Variants in RNF213 observed in about 807,000 individuals in gnomAD.
RNF213 encodes the protein E3 ubiquitin-protein ligase RNF213.
RNF213 carries 341 observed loss-of-function variants against 514.4 expected under a neutral mutation model. The observed-to-expected ratio is 0.66, with a 90% CI of 0.61 to 0.73. RNF213 has a LOEUF of 0.73. Among genes scored for constraint, RNF213 ranks in the 30% least tolerant of loss-of-function variants. RNF213 has a pLI of 0.00. For synonymous variants in RNF213, 2,655 were observed against 2,658.2 expected (o/e 1.00, Z 0.04); for missense variants, 5,767 against 6,615.6 (o/e 0.87, Z 4.45).
Position 80,325,046 on chromosome 17 carries a change from T to C in RNF213, c.3041T>C (p.Leu1014Pro), listed in dbSNP as rs1485741901. 1 of 1,537,138 alleles carries C rather than the reference T, an allele frequency of 6.5e-7. No individual in the cohort carries two copies. The highest frequency in any genetic ancestry group is 1.4e-5 in the African/African-American group (1 of 73,052). ...TTCTTGTAGTCTCAGACCAGTATCC[T>C]TCAGGGGTTCTCTTACTCTGATTTG... ...SSACQSQTSI[L>P]QGFSYSDLRK... Residue 1014 changes from leucine to proline, a missense_variant, in exon 18 of 68, where the codon CTT (leucine) becomes CCT (proline). This residue lies in a region of RNF213 where 516 missense variants were observed against 566.5 expected (regional missense o/e 0.91). Coordinates refer to ENST00000582970, the MANE Select transcript of RNF213 (RefSeq NM_001256071.3).
At chr17:80,352,461 G>A (rs961146147) in intron 32 of RNF213, 9 of 432,136 alleles carry the variant, frequency 2.1e-5, no homozygotes, top group South Asian at 3.5e-5. Context: ...GGAGAGTGGC[G>A]GGGGTCGGAC....
At position 80,337,655 on chromosome 17, in the gene RNF213, T is replaced by C; in HGVS notation, c.4597T>C (p.Ser1533Pro). The change falls in exon 24 of 68, where the codon TCC becomes CCC. Residue 1533 changes from serine (S) to proline (P), a missense_variant. Ser to Pro is a moderately conservative substitution (Grantham distance 74). Transcript: ENST00000582970. Reference protein sequence around the residue: ...NESHGSVERSSLTLATAINQR... With the variant: ...NESHGSVERSPLTLATAINQR... ...GAGTCATGGGTCTGTGGAACGCTCA[T>C]CCCTGACCCTGGCCACGGCCATCAA... The C allele has an allele frequency of 6.5e-6, 10 of 1,537,278 alleles. No homozygotes were observed. The highest frequency in any genetic ancestry group is 8.7e-6 in the Non-Finnish European group (10 of 1,146,912).
Position 80,313,118 on chromosome 17 carries a change from A to G in RNF213, c.2762A>G (p.Asn921Ser). ...TGGCTCCGAGAAGTTTTTACAAAGA[A>G]CATGCTCACATCTTCAGGTGCCTCA... ...KRWLREVFTK[N>S]MLTSSGASFT... The change falls in exon 15 of 68, where the codon AAC becomes AGC. Residue 921 changes from asparagine to serine, a missense_variant. Physicochemically the swap from Asn to Ser is conservative, Grantham distance 46. Coordinates refer to ENST00000582970, the MANE Select transcript of RNF213 (RefSeq NM_001256071.3). 1 of 1,614,144 alleles carries G rather than the reference A, an allele frequency of 6.2e-7. No individual in the cohort carries two copies. Among genetic ancestry groups the G allele is most frequent in the Non-Finnish European group, 8.5e-7 (1 of 1,180,028 alleles).
rs565310188 is a variant in RNF213, at chr17:80,374,763, G to A, written c.13074+174G>A. ...TCCAGGGCGCACCTGGCTAGTGTGC[G>A]TGAACCAGTGGCTGGAACAGGACAG... is the stretch of plus-strand genomic sequence containing the variant. On this transcript the variant is annotated intron_variant, in intron 50 of 67. Coordinates refer to ENST00000582970, the MANE Select transcript of RNF213 (RefSeq NM_001256071.3). 3.1e-4 allele frequency: 213 copies of A among 696,272 alleles called. 4 individuals carry two copies. The highest frequency in any genetic ancestry group is 2.6e-3 in the South Asian group (157 of 60,432). The allele number at this position is 696,272 out of a possible 1,614,324, so 43.1% of individuals were successfully genotyped here. A position where few individuals can be genotyped will look rare whatever the true frequency, so the allele number is the denominator to read the frequency against.
rs1358559960 is a variant in RNF213, at chr17:80,343,849, G to T, written c.6184-8G>T. On this transcript the variant is annotated splice_polypyrimidine_tract_variant and splice_region_variant and intron_variant, in intron 27 of 67. Transcript: ENST00000582970. This position sits in a 1 kb window ranked among gnomAD's most constrained non-coding sequence, Gnocchi z 4.3. ...GTGTGTTTACACCTCGTGCGATTCT[G>T]TTCTTAGGTGCAGACTGGAATTTGG... 3 of 1,614,120 alleles carry T rather than the reference G, an allele frequency of 1.9e-6. No homozygotes were observed. The highest frequency in any genetic ancestry group is 1.7e-5 in the Admixed American group (1 of 60,022).
chr17:80,290,416 TGTGTGCGAGTGTGCGC>T (rs1215012493), intron 6 of RNF213, among the ~76,000 whole-genome samples, 138 bp from the exon 7 acceptor site: 10 of 149,008 alleles, frequency 6.7e-5, no homozygotes, highest in African/African-American at 2.5e-4. Flanking sequence ...TGTGTGTGCG[TGTGTGCGAGTGTGCGC>T]GTGTGTGCAT....
At chr17:80,297,656 G>A (rs1050452561) in intron 10 of RNF213, among the ~76,000 whole-genome samples, 3 of 150,938 alleles carry the variant, frequency 2.0e-5, no homozygotes, top group East Asian at 2.0e-4. Flanking sequence ...GCATGGTGGC[G>A]GGCACCTGTA....
Position 80,347,259 on chromosome 17 carries a change from C to G in RNF213, c.8924C>G (p.Ser2975Cys), listed in dbSNP as rs750410756. Reference sequence around the variant, plus strand: ...GCAAAGGCTTCAAATAGAAAGCCTTCCCCGCAAGACATTGCACAGGCTGTC... The same window carrying G: ...GCAAAGGCTTCAAATAGAAAGCCTTGCCCGCAAGACATTGCACAGGCTGTC... ...AAAKASNRKP[S>C]PQDIAQAVLR... Residue 2975 changes from serine to cysteine, a missense_variant, in exon 29 of 68, where the codon TCC becomes TGC. Around this residue, in one of 13 missense-constraint regions of RNF213, gnomAD observed 919 missense variants for 1,121.0 expected, o/e 0.82. Coordinates refer to ENST00000582970, the MANE Select transcript of RNF213 (RefSeq NM_001256071.3). This position sits in a 1 kb window ranked among gnomAD's most constrained non-coding sequence, Gnocchi z 7.2. 14 of 1,613,398 alleles carry G rather than the reference C, an allele frequency of 8.7e-6. No individual in the cohort carries two copies. Among genetic ancestry groups the G allele is most frequent in the Non-Finnish European group, 8.5e-6 (10 of 1,179,794 alleles).
chr17:80,364,387 T>C (rs2079174672), intron 41 of RNF213, 46 bp from the exon 42 acceptor site: 1 of 1,613,310 alleles, frequency 6.2e-7, no homozygotes, highest in Non-Finnish European at 8.5e-7. Context: ...CTTGGGTTCC[T>C]TGGTGGGAGC....
chr17:80,280,226 A>T (rs972504057), intron 3 of RNF213, among the ~76,000 whole-genome samples: 2 of 152,176 alleles, frequency 1.3e-5, no homozygotes, highest in African/African-American at 4.8e-5. Context: ...TAGCAACAAA[A>T]ATGTGAGAAG....
intron 36 of RNF213, among the ~76,000 whole-genome samples, chr17:80,355,977 C>G (rs1428443993): frequency 6.6e-6 from 1 of 150,838 alleles, no homozygotes; most frequent in African/African-American, 2.4e-5. Flanking sequence ...TTTCATTTCC[C>G]TCCGTTCCTC....
rs994267098 is a variant in RNF213 at position 80,393,852 on chromosome 17, T to C, written c.*354T>C. On this transcript the variant is annotated 3_prime_UTR_variant, in exon 68 of 68. Transcript: ENST00000582970. ...GTAATGACCTGTGCCCGTTCGCCTCTGGCACTGCCCACCCCTCTTTTTTTT... is the reference window on the plus strand; with the variant it reads ...GTAATGACCTGTGCCCGTTCGCCTCCGGCACTGCCCACCCCTCTTTTTTTT... The C allele has an allele frequency of 1.1e-5, 3 of 267,224 alleles. No individual in the cohort carries two copies. The highest frequency in any genetic ancestry group is 6.7e-5 in the African/African-American group (3 of 44,782). 16.6% of individuals were successfully genotyped at this position (267,224 alleles called of 1,614,324 possible). A position where few individuals can be genotyped will look rare whatever the true frequency, so the allele number is the denominator to read the frequency against.
chr17:80,372,962 G>T lies in RNF213; in HGVS notation c.12752-13G>T. On this transcript the variant is annotated splice_polypyrimidine_tract_variant and intron_variant, in intron 48 of 67. Coordinates refer to ENST00000582970, the MANE Select transcript of RNF213 (RefSeq NM_001256071.3). ...TCACCAGCCACTCACCCGCTTTCTC[G>T]TTGGCCTCTCAGAGATGGCCAAGGA... is the stretch of plus-strand genomic sequence containing the variant. 1 of 1,612,208 alleles carries T rather than the reference G, an allele frequency of 6.2e-7. No homozygotes were observed. The highest frequency in any genetic ancestry group is 8.5e-7 in the Non-Finnish European group (1 of 1,179,142).
intron 1 of RNF213, 26 bp downstream of exon 1, chr17:80,260,928 C>T (rs1268586239): frequency 6.6e-6 from 1 of 151,210 alleles, no homozygotes; most frequent in Non-Finnish European, 1.5e-5. Flanking sequence ...GAGAGTCTCC[C>T]GGGGCGGGGA....
rs780205926 is a variant in RNF213 at position 80,358,369 on chromosome 17, C to T, written c.10944C>T (p.Asn3648=). 6.2e-7 allele frequency: 1 copy of T among 1,614,130 alleles called. No homozygotes were observed. The highest frequency in any genetic ancestry group is 1.1e-5 in the South Asian group (1 of 91,070). ...SMISFIDRDG[N]LELLTRPDTP... ...TATCATTCATCGACAGAGACGGCAACCTAGAGTTACTGACCAGGCCAGATA... is the reference window on the plus strand; with the variant it reads ...TATCATTCATCGACAGAGACGGCAATCTAGAGTTACTGACCAGGCCAGATA... The change falls in exon 37 of 68, where the codon AAC becomes AAT. Residue 3648 remains asparagine, a synonymous_variant. Transcript: ENST00000582970.
At position 80,298,325 on chromosome 17, in the gene RNF213, C is replaced by T. The variant is rs774394726; in HGVS notation, c.2017C>T (p.Arg673Trp). 15 of 1,613,910 alleles carry T rather than the reference C, an allele frequency of 9.3e-6. No homozygotes were observed. The highest frequency in any genetic ancestry group is 5.3e-5 in the African/African-American group (4 of 74,904). Residue 673 changes from arginine to tryptophan, a missense_variant, in exon 11 of 68, where the codon CGG becomes TGG. Arg to Trp is a moderately radical substitution (Grantham distance 101). This residue lies in a region of RNF213 where 592 missense variants were observed against 673.9 expected (regional missense o/e 0.88). Transcript: ENST00000582970. ...SHILGIPQSW[R>W]LYLVNLCQRC... The stretch of plus-strand genomic sequence containing the variant: ...GGGATCTTTATTCCCTTCCAGCTGG[C>T]GGCTGTACCTGGTGAACCTGTGCCA...
At chr17:80,382,013 G>T (rs1006021140) in intron 57 of RNF213, 5 of 441,174 alleles carry the variant, frequency 1.1e-5, no homozygotes, top group South Asian at 4.2e-5. Flanking sequence ...GCGTCTGCAC[G>T]CAAGTGTTCA....
intron 16 of RNF213, among the ~76,000 whole-genome samples, chr17:80,318,065 G>A (rs61055659): frequency 0.023 from 3,573 of 152,146 alleles, 131 homozygotes; most frequent in African/African-American, 0.082. Flanking sequence ...ACGTCTTTCC[G>A]AAGTTAAACC....
intron 55 of RNF213, among the ~76,000 whole-genome samples, chr17:80,380,109 A>T (rs1333775920): frequency 6.6e-6 from 1 of 152,232 alleles, no homozygotes; most frequent in Admixed American, 6.5e-5. Context: ...ACTTGCCAGC[A>T]ATCTTAGCTT....
Sources: gnomAD v4.1 joint callset for allele counts (sites outside exome capture counted in the v4.1 genomes callset) on GRCh38, gnomAD v4.1.1 for gene constraint, gnomAD v4.1.1 regional missense constraint, Gnocchi (gnomAD v3.1) non-coding constraint, MANE v1.5 for transcripts, NCBI Gene and HGNC (gene_info 2026-07-23, HGNC 2026-07-21) for gene names.